Variants in SIRT1 observed in about 807,000 individuals in gnomAD.
The protein encoded by SIRT1 is NAD-dependent protein deacetylase sirtuin-1.
In SIRT1, 24 loss-of-function variants were observed where a neutral mutation model predicts 67.9. That is an observed-to-expected ratio of 0.35 (90% CI 0.26 to 0.50). The LOEUF is 0.50. SIRT1 is among the 20% of genes least tolerant of loss of function. The probability of loss-of-function intolerance (pLI) is 0.98; values close to 1 mark genes in which losing one functional copy is unlikely to be tolerated. For missense variants in SIRT1, 873 were observed against 937.2 expected, an observed-to-expected ratio of 0.93 and a Z score of 0.89; for synonymous variants, 378 against 350.7, an observed-to-expected ratio of 1.08 and a Z score of -0.87.
intron 4 of SIRT1, 137 bp from the exon 5 acceptor site, chr10:67,906,653 T>C: frequency 1.2e-6 from 1 of 869,214 alleles, no homozygotes; most frequent in Non-Finnish European, 1.8e-6. Context: ...GTCGCATCCA[T>C]CTAGATACTT....
intron 4 of SIRT1, among the ~76,000 whole-genome samples, chr10:67,892,891 C>T (rs1041064808): frequency 5.3e-5 from 8 of 152,158 alleles, no homozygotes; most frequent in African/African-American, 1.7e-4. Context: ...CGTGAGCCAC[C>T]GCGCCTGGCC....
rs114575266 is a variant in SIRT1, at chr10:67,916,361, G to C, written c.2012G>C (p.Cys671Ser). Residue 671 changes from cysteine (C) to serine (S), a missense_variant, in exon 9 of 9, where the codon TGT becomes TCT. Physicochemically the swap from Cys to Ser is moderately radical, Grantham distance 112. Around this residue, in one of 3 missense-constraint regions of SIRT1, gnomAD observed 295 missense variants for 294.5 expected, o/e 1.00. Transcript: ENST00000212015. Reference protein sequence around the residue: ...SEDDVLSSSSCGSNSDSGTCQ... With the variant: ...SEDDVLSSSSSGSNSDSGTCQ... ...GATGACGTCTTATCCTCTAGTTCTT[G>C]TGGCAGTAACAGTGATAGTGGGACA... 5.6e-6 allele frequency: 9 copies of C among 1,614,062 alleles called. No homozygotes were observed. The East Asian group carries it at 1.8e-4, about 32-fold the overall frequency.
At chr10:67,911,608 TC>T (rs1416016970) in intron 7 of SIRT1, among the ~76,000 whole-genome samples, 33 of 61,212 alleles carry the variant, frequency 5.4e-4, no homozygotes, top group African/African-American at 1.2e-3. Flanking sequence ...ACTTTTTCCC[TC>T]CCCCCCTCCC....
At chr10:67,885,444 C>T (rs947170710) in intron 1 of SIRT1, 2 of 1,184,524 alleles carry the variant, frequency 1.7e-6, no homozygotes, top group Non-Finnish European at 2.1e-6. Flanking sequence ...TTCTCTCCCC[C>T]TCTTACTCTT....
At chr10:67,904,055 G>C (rs1454741439) in intron 4 of SIRT1, among the ~76,000 whole-genome samples, 2 of 151,768 alleles carry the variant, frequency 1.3e-5, no homozygotes, top group East Asian at 3.9e-4. Context: ...ATCTTAGGAG[G>C]AGTGGTATAT....
chr10:67,894,755 G>C (rs1370764101), intron 4 of SIRT1, among the ~76,000 whole-genome samples: 3 of 151,974 alleles, frequency 2.0e-5, no homozygotes, highest in Non-Finnish European at 2.9e-5. Flanking sequence ...CTGTTGCCAG[G>C]CTGTAGTGCA....
intron 4 of SIRT1, among the ~76,000 whole-genome samples, chr10:67,904,130 T>TTG (rs1564889889): frequency 7.0e-6 from 1 of 143,182 alleles, no homozygotes; most frequent in African/African-American, 2.5e-5. Flanking sequence ...TTTGTTTGTT[T>TTG]TTTTTTTTTT....
chr10:67,906,147 T>A (rs887576097), intron 4 of SIRT1: 7 of 1,325,934 alleles, frequency 5.3e-6, no homozygotes, highest in Non-Finnish European at 6.8e-6. Context: ...TATATCTGAA[T>A]TCTTTGTTTT....
At chr10:67,914,238 A>AT (rs773566278) in intron 8 of SIRT1, among the ~76,000 whole-genome samples, 45 of 151,754 alleles carry the variant, frequency 3.0e-4, no homozygotes, top group Non-Finnish European at 5.9e-4. Context: ...TGCTCGGCTG[A>AT]TTCTTGTATT....
At position 67,887,422 on chromosome 10, in the gene SIRT1, C is replaced by G. The variant is rs1842500910; in HGVS notation, c.436C>G (p.Leu146Val). 4.3e-6 allele frequency: 7 copies of G among 1,610,616 alleles called. No homozygotes were observed. Among genetic ancestry groups the G allele is most frequent in the Non-Finnish European group, 5.9e-6 (7 of 1,177,256 alleles). ...TGACTTGGTTTCTTTTGCAGATAAC[C>G]TTCTGTTCGGTGATGAAATTATCAC... The part of the protein sequence containing the change: ...AAAAIGYRDN[L>V]LFGDEIITNG... Residue 146 changes from leucine (L) to valine (V), a missense_variant, in exon 2 of 9, where the codon CTT becomes GTT. Physicochemically the swap from Leu to Val is conservative, Grantham distance 32. This residue lies in a region of SIRT1 where 327 missense variants were observed against 283.9 expected (regional missense o/e 1.15). Coordinates refer to ENST00000212015, the MANE Select transcript of SIRT1 (RefSeq NM_012238.5).
Position 67,894,529 on chromosome 10 carries a change from G to A in SIRT1, c.942+2975G>A, listed in dbSNP as rs569894830. On this transcript the variant is annotated intron_variant, in intron 4 of 8. Coordinates refer to ENST00000212015, the MANE Select transcript of SIRT1 (RefSeq NM_012238.5). ...ACACTGGCATTTATAAAATCTCCAC[G>A]TAGCGCAGACATTGACACTATCAGA... is the stretch of plus-strand genomic sequence containing the variant. 3.8e-4 allele frequency among the ~76,000 whole-genome samples: 58 copies of A among 152,066 alleles called. 1 individual carries two copies. The highest frequency in any genetic ancestry group is 7.9e-4 in the Non-Finnish European group (54 of 68,016).
intron 4 of SIRT1, among the ~76,000 whole-genome samples, chr10:67,901,142 T>A (rs967624435): frequency 6.6e-6 from 1 of 152,042 alleles, no homozygotes; most frequent in Non-Finnish European, 1.5e-5. Flanking sequence ...CATAGAGGTT[T>A]AAATGCTAGG....
rs1399815754 is a variant in SIRT1 at position 67,891,658 on chromosome 10, A to G, written c.942+104A>G. ...TTATCGTTCATTGTTTAGTAAAGTG[A>G]ATGCTGCTACTGTGGCGGAGTAAGA... On this transcript the variant is annotated intron_variant, in intron 4 of 8. Coordinates refer to ENST00000212015, the MANE Select transcript of SIRT1 (RefSeq NM_012238.5). The G allele has an allele frequency of 7.8e-6, 9 of 1,147,150 alleles. No homozygotes were observed. In the Admixed American group the frequency reaches 1.6e-4, roughly 21 times the overall value. 71.1% of individuals were successfully genotyped at this position (1,147,150 alleles called of 1,614,324 possible).
intron 3 of SIRT1, among the ~76,000 whole-genome samples, chr10:67,889,415 A>G (rs764971108): frequency 2.6e-5 from 4 of 152,216 alleles, no homozygotes; most frequent in Non-Finnish European, 5.9e-5. Flanking sequence ...CAGGGAATTG[A>G]AACTCTGCTT....
chr10:67,912,700 A>C lies in SIRT1; in HGVS notation c.1584A>C (p.Pro528=), dbSNP rs778727945. 3 of 1,614,002 alleles carry C rather than the reference A, an allele frequency of 1.9e-6. No homozygotes were observed. The highest frequency in any genetic ancestry group is 2.5e-6 in the Non-Finnish European group (3 of 1,180,036). The change falls in exon 8 of 9, where the codon CCA becomes CCC. Residue 528 remains proline (P), a synonymous_variant. Coordinates refer to ENST00000212015, the MANE Select transcript of SIRT1 (RefSeq NM_012238.5). Reference sequence around the variant, plus strand: ...AATTGGCTTATTTGTCAGAGTTGCCACCCACACCTCTTCATGTTTCAGAAG... The same window carrying C: ...AATTGGCTTATTTGTCAGAGTTGCCCCCCACACCTCTTCATGTTTCAGAAG... ...QKELAYLSEL[P]PTPLHVSEDS...
chr10:67,888,782 C>CA, intron 2 of SIRT1, 100 bp from the exon 3 acceptor site: 3 of 1,373,390 alleles, frequency 2.2e-6, no homozygotes, highest in South Asian at 1.5e-5. Flanking sequence ...TCTTACTTTG[C>CA]AAAAAACCCT....
Position 67,889,017 on chromosome 10 carries a change from T to C in SIRT1, c.683T>C (p.Leu228Pro). ...CTGTGGCAGATTGTTATTAATATCC[T>C]TTCAGAACCACCAAAAAGGAAAAAA... The part of the protein sequence containing the change: ...MTLWQIVINI[L>P]SEPPKRKKRK... The change falls in exon 3 of 9, where the codon CTT (leucine) becomes CCT (proline). Residue 228 changes from leucine to proline, a missense_variant. Physicochemically the swap from Leu to Pro is moderately conservative, Grantham distance 98. Coordinates refer to ENST00000212015, the MANE Select transcript of SIRT1 (RefSeq NM_012238.5). 1 of 1,613,822 alleles carries C rather than the reference T, an allele frequency of 6.2e-7. No individual in the cohort carries two copies. The highest frequency in any genetic ancestry group is 8.5e-7 in the Non-Finnish European group (1 of 1,179,964).
At chr10:67,907,274 C>A (rs1842833592) in intron 5 of SIRT1, among the ~76,000 whole-genome samples, 1 of 151,956 alleles carries the variant, frequency 6.6e-6, no homozygotes, top group African/African-American at 2.4e-5. Context: ...GCGGGCAGAT[C>A]CCATGAAGCC....
chr10:67,909,354 T>G lies in SIRT1; in HGVS notation c.1269T>G (p.His423Gln). ...FFGENLPEQF[H>Q]RAMKYDKDEV... ...GTGAAAATTTACCAGAACAGTTTCA[T>G]AGAGCCATGAAGTATGACAAAGATG... Residue 423 changes from histidine (H) to glutamine (Q), a missense_variant, in exon 7 of 9, where the codon CAT becomes CAG. His to Gln is a conservative substitution (Grantham distance 24, BLOSUM62 0). Coordinates refer to ENST00000212015, the MANE Select transcript of SIRT1 (RefSeq NM_012238.5). The G allele has an allele frequency of 6.2e-7, 1 of 1,613,922 alleles. No homozygotes were observed. Among genetic ancestry groups the G allele is most frequent in the South Asian group, 1.1e-5 (1 of 91,004 alleles).
Sources: gnomAD v4.1 joint callset for allele counts (sites outside exome capture counted in the v4.1 genomes callset) on GRCh38, gnomAD v4.1.1 for gene constraint, gnomAD v4.1.1 regional missense constraint, MANE v1.5 for transcripts, NCBI Gene and HGNC (gene_info 2026-07-23, HGNC 2026-07-21) for gene names.